Variants in WWOX observed in about 807,000 individuals in gnomAD.
WWOX encodes WW domain-containing oxidoreductase.
WWOX carries 69 observed loss-of-function variants against 46.2 expected under a neutral mutation model. The ratio of observed to expected loss-of-function variants is 1.49; its 90% confidence interval spans 1.23 to 1.82. The LOEUF (loss-of-function observed/expected upper bound fraction) is 1.82, where lower values mean the gene tolerates loss of function less well. Among genes scored for constraint, WWOX ranks in the 40% most tolerant of loss-of-function variants. The pLI, the probability that WWOX is intolerant of heterozygous loss-of-function variation, is 0.00. For synonymous variants in WWOX, 359 were observed against 202.6 expected (o/e 1.77, Z -6.56); for missense variants, 919 against 542.6 (o/e 1.69, Z -6.89).
chr16:78,886,351 A>C (rs1278697545), intron 8 of WWOX, among the ~76,000 whole-genome samples: 1 of 151,376 alleles, frequency 6.6e-6, no homozygotes, highest in Non-Finnish European at 1.5e-5. Flanking sequence ...TCTGTATTCT[A>C]CTTTATTTAC....
intron 8 of WWOX, among the ~76,000 whole-genome samples, chr16:78,466,376 A>G (rs909763624): frequency 1.3e-5 from 2 of 152,172 alleles, no homozygotes; most frequent in Admixed American, 6.5e-5. Flanking sequence ...TTTTGGAACT[A>G]GAGGTGATAG....
chr16:78,320,054 G>C (rs531682828), intron 5 of WWOX, among the ~76,000 whole-genome samples: 120 of 152,260 alleles, frequency 7.9e-4, no homozygotes, highest in African/African-American at 2.9e-3. Context: ...GTATATTTGG[G>C]TGAGAGTATT....
intron 5 of WWOX, among the ~76,000 whole-genome samples, chr16:78,362,973 C>A (rs1259378401): frequency 6.6e-6 from 1 of 152,112 alleles, no homozygotes; most frequent in Non-Finnish European, 1.5e-5. Flanking sequence ...GATTCCTTCC[C>A]CAGCATTAGG....
At chr16:79,142,203 A>G (rs73580963) in intron 8 of WWOX, among the ~76,000 whole-genome samples, 7,779 of 152,208 alleles carry the variant, frequency 0.051, 307 homozygotes, top group African/African-American at 0.11. Context: ...CCAAGCAGAC[A>G]TGGCCATAGT....
intron 8 of WWOX, among the ~76,000 whole-genome samples, chr16:78,699,501 T>G (rs914012639): frequency 2.0e-5 from 3 of 152,160 alleles, no homozygotes; most frequent in African/African-American, 7.2e-5. Context: ...ATCGTGCCAC[T>G]GTACTCCCAC....
At chr16:78,928,405 T>C (rs2045549304) in intron 8 of WWOX, among the ~76,000 whole-genome samples, 1 of 152,080 alleles carries the variant, frequency 6.6e-6, no homozygotes, top group Admixed American at 6.5e-5. Context: ...GGTTTCACCG[T>C]GTTAGCCAGG....
intron 8 of WWOX, among the ~76,000 whole-genome samples, chr16:78,730,781 GA>G (rs752070359): frequency 4.6e-5 from 7 of 151,312 alleles, no homozygotes; most frequent in Admixed American, 2.0e-4. Context: ...AATCTTTTAG[GA>G]AAAAAAAGTG....
At chr16:78,464,825 A>G (rs754581765) in intron 8 of WWOX, among the ~76,000 whole-genome samples, 1 of 152,190 alleles carries the variant, frequency 6.6e-6, no homozygotes, top group Non-Finnish European at 1.5e-5. Context: ...CTCAATAAGG[A>G]GAATCAGAGA....
chr16:78,988,545 C>G (rs902520923), intron 8 of WWOX, among the ~76,000 whole-genome samples: 3 of 152,060 alleles, frequency 2.0e-5, no homozygotes, highest in Admixed American at 6.6e-5. Flanking sequence ...CTCCCTCTCC[C>G]CAGGAGAGGT....
intron 1 of WWOX, among the ~76,000 whole-genome samples, chr16:78,104,190 C>T (rs919723845): frequency 4.0e-5 from 6 of 149,476 alleles, no homozygotes; most frequent in Non-Finnish European, 5.9e-5. Context: ...CTGTCCTCAC[C>T]GTGAAGTCTA....
chr16:78,438,283 AG>A (rs2083375960), intron 8 of WWOX, among the ~76,000 whole-genome samples: 1 of 152,186 alleles, frequency 6.6e-6, no homozygotes. Flanking sequence ...AGCGTGTTCA[AG>A]AAAATGATAT....
intron 6 of WWOX, among the ~76,000 whole-genome samples, chr16:78,422,590 CCTGCCT>C (rs2082957669): frequency 6.9e-6 from 1 of 145,640 alleles, no homozygotes; most frequent in African/African-American, 2.5e-5. Context: ...AAGTGATTAT[CCTGCCT>C]TAGCCTCCCA....
At chr16:78,902,003 A>G (rs1408550802) in intron 8 of WWOX, among the ~76,000 whole-genome samples, 4 of 152,198 alleles carry the variant, frequency 2.6e-5, no homozygotes, top group Non-Finnish European at 5.9e-5. Context: ...TAGGAAATGG[A>G]AGAAGGGGAT....
At chr16:79,126,777 C>T (rs111595355) in intron 8 of WWOX, among the ~76,000 whole-genome samples, 1,860 of 152,224 alleles carry the variant, frequency 0.012, 33 homozygotes, top group African/African-American at 0.041. Context: ...CTCCAGCCTA[C>T]ATAAATTTAG....
At chr16:78,696,363 C>CTAT (rs1387874751) in intron 8 of WWOX, among the ~76,000 whole-genome samples, 2 of 152,188 alleles carry the variant, frequency 1.3e-5, no homozygotes, top group Non-Finnish European at 2.9e-5. Flanking sequence ...ACTTCAGACT[C>CTAT]TATAGACAGT....
intron 8 of WWOX, among the ~76,000 whole-genome samples, chr16:78,557,242 C>A (rs185785355): frequency 7.9e-5 from 12 of 152,164 alleles, no homozygotes; most frequent in Middle Eastern, 6.8e-3. Context: ...TATTATTTAC[C>A]TTAAGACCTG....
intron 8 of WWOX, among the ~76,000 whole-genome samples, chr16:78,765,654 G>A (rs542469750): frequency 2.6e-5 from 4 of 152,230 alleles, no homozygotes; most frequent in Admixed American, 2.0e-4. Flanking sequence ...ACTGCAGCTT[G>A]GGAAACAGAG....
At chr16:78,151,066 G>A (rs573084058) in intron 4 of WWOX, among the ~76,000 whole-genome samples, 42 of 146,110 alleles carry the variant, frequency 2.9e-4, no homozygotes, top group East Asian at 4.1e-4. Flanking sequence ...TTTTAGAGAT[G>A]GGATCTCACT....
At chr16:78,561,917 G>C (rs2044448139) in intron 8 of WWOX, among the ~76,000 whole-genome samples, 1 of 152,126 alleles carries the variant, frequency 6.6e-6, no homozygotes, top group African/African-American at 2.4e-5. Flanking sequence ...GTGCCTTAAC[G>C]TCTCTATCTA....
Sources: allele counts gnomAD v4.1 joint callset (sites outside exome capture counted in the v4.1 genomes callset), GRCh38; gene constraint gnomAD v4.1.1; transcripts MANE v1.5; gene names NCBI Gene and HGNC (gene_info 2026-07-23, HGNC 2026-07-21).